The following MED15 variants were observed in gnomAD, a reference collection of about 807,000 sequenced individuals.
MED15 encodes mediator of RNA polymerase II transcription subunit 15.
In MED15, 41 loss-of-function variants were observed where a neutral mutation model predicts 118.7. The observed-to-expected ratio is 0.35, with a 90% confidence interval of 0.27 to 0.45. MED15 has a LOEUF of 0.45. Ranked by LOEUF, MED15 falls within the 20% of genes least tolerant of loss-of-function variation. The probability of loss-of-function intolerance (pLI) is 1.00; values close to 1 mark genes in which losing one functional copy is unlikely to be tolerated. For missense variants in MED15, 740 were observed against 1,025.5 expected (o/e 0.72, Z 3.80); for synonymous variants, 436 against 413.9 (o/e 1.05, Z -0.65).
chr22:20,577,718 C>G (rs2056862790), intron 9 of MED15, among the ~76,000 whole-genome samples: 1 of 151,820 alleles, frequency 6.6e-6, no homozygotes, highest in African/African-American at 2.4e-5. Flanking sequence ...GATTTAATCA[C>G]CAGGCCCCGC....
chr22:20,563,246 G>A (rs191948337), intron 5 of MED15, among the ~76,000 whole-genome samples: 3 of 152,228 alleles, frequency 2.0e-5, no homozygotes, highest in East Asian at 1.9e-4. Flanking sequence ...ACCCATGCAC[G>A]AATTTTAACA....
intron 2 of MED15, among the ~76,000 whole-genome samples, chr22:20,544,461 C>T (rs553109483): frequency 5.3e-5 from 8 of 152,206 alleles, no homozygotes; most frequent in East Asian, 1.9e-4. Flanking sequence ...ATCAGGAGAT[C>T]GCAACCATCC....
intron 2 of MED15, among the ~76,000 whole-genome samples, chr22:20,545,700 G>A (rs1421434017): frequency 1.3e-5 from 2 of 152,042 alleles, no homozygotes; most frequent in African/African-American, 4.8e-5. Flanking sequence ...TCCTTGGGTG[G>A]GGGGCACTGC....
At chr22:20,517,351 C>G (rs1601446257) in intron 1 of MED15, among the ~76,000 whole-genome samples, 1 of 152,208 alleles carries the variant, frequency 6.6e-6, no homozygotes, top group African/African-American at 2.4e-5. Context: ...GTTCCTTGAC[C>G]TGTGCTCCAT....
rs1024382899 is a variant in MED15 at position 20,575,300 on chromosome 22, C to T, written c.1272+68C>T. 23 of 1,562,728 alleles carry T rather than the reference C, an allele frequency of 1.5e-5. 1 individual carries two copies. The highest frequency in any genetic ancestry group is 4.2e-4 in the Middle Eastern group (2 of 4,780). On this transcript the variant is annotated intron_variant, in intron 9 of 17. Transcript: ENST00000263205. ...GCGTCCTCTGAGCGCCTTTGTAAAGCGCACCTGTCATTATCATCGCCGGTG... is the reference window on the plus strand; with the variant it reads ...GCGTCCTCTGAGCGCCTTTGTAAAGTGCACCTGTCATTATCATCGCCGGTG...
intron 2 of MED15, among the ~76,000 whole-genome samples, chr22:20,538,557 T>G (rs2146452648): frequency 6.6e-6 from 1 of 152,224 alleles, no homozygotes; most frequent in African/African-American, 2.4e-5. Context: ...GCCTTCAACA[T>G]TTTTTAAAGA....
At position 20,568,573 on chromosome 22, in the gene MED15, A is replaced by C. The variant is rs574249407; in HGVS notation, c.1094A>C (p.Gln365Pro). The change falls in exon 8 of 18, where the codon CAG (glutamine) becomes CCG (proline). Residue 365 changes from glutamine to proline, a missense_variant. Gln to Pro is a moderately conservative substitution (Grantham distance 76, BLOSUM62 -1). Around this residue, in one of 7 missense-constraint regions of MED15, gnomAD observed 384 missense variants for 506.3 expected, o/e 0.76. Transcript: ENST00000263205. ...CCCCCAGTGCAGCCCCAGGTGCAGC[A>C]GCAGCAGACAGCAGTACAGACAGCT... ...QQPPVQPQVQQQQTAVQTAQA... is the reference protein window; with the variant it reads ...QQPPVQPQVQPQQTAVQTAQA... 1.6e-5 allele frequency: 26 copies of C among 1,613,916 alleles called. No individual in the cohort carries two copies. In the East Asian group the frequency reaches 4.7e-4, roughly 29 times the overall value.
intron 2 of MED15, among the ~76,000 whole-genome samples, chr22:20,541,582 C>A (rs2055315111): frequency 6.6e-6 from 1 of 151,798 alleles, no homozygotes; most frequent in African/African-American, 2.4e-5. Context: ...CTCCCAAATT[C>A]CGGTGATTTT....
intron 9 of MED15, among the ~76,000 whole-genome samples, chr22:20,581,112 GCCTTAGCCC>G (rs957122707): frequency 2.6e-5 from 4 of 152,210 alleles, no homozygotes; most frequent in African/African-American, 9.6e-5. Context: ...CACGCTCTGT[GCCTTAGCCC>G]CCCACCCCCT....
At chr22:20,548,499 T>G (rs920985269) in intron 2 of MED15, among the ~76,000 whole-genome samples, 10 of 152,168 alleles carry the variant, frequency 6.6e-5, no homozygotes, top group Admixed American at 5.2e-4. Flanking sequence ...GTAAAAGATT[T>G]ATGTGCTTCT....
chr22:20,551,053 C>G, intron 2 of MED15: 4 of 485,480 alleles, frequency 8.2e-6, no homozygotes, highest in South Asian at 3.2e-5. Context: ...AGCGGCCCAC[C>G]CACGGCTGCC....
At position 20,535,839 on chromosome 22, in the gene MED15, G is replaced by A. The variant is rs182479125; in HGVS notation, c.69-1278G>A. On this transcript the variant is annotated intron_variant, in intron 1 of 17. Transcript: ENST00000263205. Reference sequence around the variant, plus strand: ...CTCCCAAAGTGCTGGGACTACAGGCGTGAGCCACCGTGCTCAGCCTGCTTC... The same window carrying A: ...CTCCCAAAGTGCTGGGACTACAGGCATGAGCCACCGTGCTCAGCCTGCTTC... Among the ~76,000 whole-genome samples, 352 of 149,056 alleles carry A rather than the reference G, an allele frequency of 2.4e-3. 2 individuals are homozygous for A. The highest frequency in any genetic ancestry group is 8.0e-3 in the African/African-American group (324 of 40,502).
intron 13 of MED15, chr22:20,584,047 C>A: frequency 2.5e-6 from 1 of 407,258 alleles, no homozygotes; most frequent in Non-Finnish European, 4.5e-6. Context: ...ATGGGTTGAT[C>A]CTTTGTTAGG....
intron 13 of MED15, chr22:20,583,792 A>T: frequency 4.0e-6 from 1 of 249,800 alleles, no homozygotes; most frequent in Non-Finnish European, 7.9e-6. Flanking sequence ...TTTGTAGCCC[A>T]CGTGTGTTGT....
Position 20,583,331 on chromosome 22 carries a change from C to G in MED15, c.1674C>G (p.Asp558Glu). Residue 558 changes from aspartate to glutamate, a missense_variant and splice_region_variant, in exon 13 of 18, where the codon GAC becomes GAG. Around this residue, in one of 7 missense-constraint regions of MED15, gnomAD observed 384 missense variants for 506.3 expected, o/e 0.76. Coordinates refer to ENST00000263205, the MANE Select transcript of MED15 (RefSeq NM_001003891.3). ...AGTGTGTACCCTCTTCTGTCCCAGA[C>G]AGAAAAAAGGACCTGAGTAAGATGA... Reference protein sequence around the residue: ...RMINKIDKNEDRKKDLSKMKS... With the variant: ...RMINKIDKNEERKKDLSKMKS... 1 of 1,613,264 alleles carries G rather than the reference C, an allele frequency of 6.2e-7. No homozygotes were observed.
In MED15 at chr22:20,548,152, T is replaced by TTTTTTTG. The variant is rs140738445; in HGVS notation, c.157-3265_157-3259dup. On this transcript the variant is annotated intron_variant, in intron 2 of 17. Coordinates refer to ENST00000263205, the MANE Select transcript of MED15 (RefSeq NM_001003891.3). ...GCCACTGTGCCTAGCTTTGATTTGTTTTTTTTGTTTTTTGTTTTTTGTTTT... is the reference window on the plus strand; with the variant it reads ...GCCACTGTGCCTAGCTTTGATTTGTTTTTTTTGTTTTTTGTTTTTTGTTTTTTGTTTT... Among the ~76,000 whole-genome samples, 6 of 151,998 alleles carry TTTTTTTG rather than the reference T, an allele frequency of 3.9e-5. No individual in the cohort carries two copies. The East Asian group carries it at 5.9e-4, about 15-fold the overall frequency.
chr22:20,585,079 G>A (rs2057094135), intron 15 of MED15, 22 bp from the exon 16 acceptor site: 1 of 1,613,412 alleles, frequency 6.2e-7, no homozygotes, highest in Admixed American at 1.7e-5. Flanking sequence ...TGCCAGGTGT[G>A]GTCACCATGC....
chr22:20,575,788 C>T (rs7287606), intron 9 of MED15, among the ~76,000 whole-genome samples: 3,748 of 151,106 alleles, frequency 0.025, 162 homozygotes, highest in African/African-American at 0.086. Flanking sequence ...ACCTAAAAGT[C>T]AACTAAAATT....
intron 2 of MED15, among the ~76,000 whole-genome samples, chr22:20,544,590 C>T (rs1034228039): frequency 2.0e-5 from 3 of 152,208 alleles, no homozygotes; most frequent in African/African-American, 4.8e-5. Flanking sequence ...TGGCTGAACC[C>T]GGGAGGTGGA....
Sources: allele counts gnomAD v4.1 joint callset (sites outside exome capture counted in the v4.1 genomes callset), GRCh38; gene constraint gnomAD v4.1.1; regional missense constraint gnomAD v4.1.1; transcripts MANE v1.5; gene names NCBI Gene and HGNC (gene_info 2026-07-23, HGNC 2026-07-21).